The following GSG1L variants were observed in gnomAD, a reference collection of about 807,000 sequenced individuals.
GSG1L encodes germ cell-specific gene 1-like protein.
In GSG1L, 24 loss-of-function variants were observed where a neutral mutation model predicts 42.1. That is an observed-to-expected ratio of 0.57 (90% CI 0.41 to 0.80). The LOEUF (loss-of-function observed/expected upper bound fraction) is 0.80. Among genes scored for constraint, GSG1L ranks in the 30% least tolerant of loss-of-function variants. The pLI is 0.00. For missense variants in GSG1L, 445 were observed against 472.2 expected, an observed-to-expected ratio of 0.94 and a Z score of 0.53; for synonymous variants, 215 against 203.5, an observed-to-expected ratio of 1.06 and a Z score of -0.48.
chr16:28,058,645 C>T (rs2086306129), intron 1 of GSG1L, among the ~76,000 whole-genome samples: 1 of 141,244 alleles, frequency 7.1e-6, no homozygotes, highest in Non-Finnish European at 1.5e-5. Flanking sequence ...AACAAACAAA[C>T]CATGTCGAGG....
chr16:27,794,583 G>T (rs945248971), intron 6 of GSG1L, among the ~76,000 whole-genome samples: 1 of 151,974 alleles, frequency 6.6e-6, no homozygotes, highest in Non-Finnish European at 1.5e-5. Context: ...CACCCGCCTC[G>T]GCCTCCCAAA....
intron 4 of GSG1L, among the ~76,000 whole-genome samples, chr16:27,839,146 G>A (rs1033873084): frequency 2.6e-5 from 4 of 152,196 alleles, no homozygotes; most frequent in Non-Finnish European, 5.9e-5. Flanking sequence ...TTTCCACATA[G>A]TCATGGAGAC....
chr16:27,850,321 C>T (rs1042344939), intron 3 of GSG1L, among the ~76,000 whole-genome samples: 7 of 152,112 alleles, frequency 4.6e-5, no homozygotes, highest in South Asian at 2.1e-4. Context: ...GCCACCGTGC[C>T]GGCCTTGAAA....
intron 1 of GSG1L, among the ~76,000 whole-genome samples, chr16:28,052,980 C>T (rs1357933873): frequency 1.3e-5 from 2 of 152,186 alleles, no homozygotes; most frequent in Non-Finnish European, 2.9e-5. Context: ...AGGTGGGGCC[C>T]GGGCCAAGTG....
At chr16:27,848,415 C>T (rs1266263291) in intron 3 of GSG1L, among the ~76,000 whole-genome samples, 1 of 152,174 alleles carries the variant, frequency 6.6e-6, no homozygotes, top group Non-Finnish European at 1.5e-5. Context: ...TAGGACAGGA[C>T]CAGACTGCAA....
intron 5 of GSG1L, 93 bp downstream of exon 5, chr16:27,828,696 T>C: frequency 2.4e-6 from 3 of 1,235,658 alleles, no homozygotes; most frequent in Non-Finnish European, 3.4e-6. Flanking sequence ...TACCATTCAT[T>C]CCAGTTTTTG....
intron 1 of GSG1L, among the ~76,000 whole-genome samples, chr16:27,975,471 T>C (rs2085240551): frequency 6.6e-6 from 1 of 152,144 alleles, no homozygotes; most frequent in Admixed American, 6.5e-5. Flanking sequence ...ACCATCACGC[T>C]CTGAAATTGT....
At chr16:27,807,627 C>G (rs2082982308) in intron 5 of GSG1L, 73 bp from the exon 6 acceptor site, 2 of 1,287,666 alleles carry the variant, frequency 1.6e-6, no homozygotes, top group Admixed American at 1.9e-5. Flanking sequence ...GACCCAAAAC[C>G]TGAAAAAGTG....
At chr16:27,909,872 A>C (rs1474697945) in intron 2 of GSG1L, among the ~76,000 whole-genome samples, 1 of 151,128 alleles carries the variant, frequency 6.6e-6, no homozygotes, top group Non-Finnish European at 1.5e-5. Context: ...GTCCCATTTC[A>C]TTGTTAAGAA....
At chr16:27,925,107 G>A (rs998134356) in intron 2 of GSG1L, among the ~76,000 whole-genome samples, 55 of 152,294 alleles carry the variant, frequency 3.6e-4, no homozygotes, top group African/African-American at 1.3e-3. Context: ...GGAGAGTAGG[G>A]TGGACAGATA....
At chr16:27,945,431 T>C (rs1018108848) in intron 2 of GSG1L, among the ~76,000 whole-genome samples, 5 of 152,104 alleles carry the variant, frequency 3.3e-5, no homozygotes, top group Non-Finnish European at 7.3e-5. Context: ...GAGAAATCAC[T>C]AGCCCCTCCC....
At chr16:27,939,735 G>C (rs2084764788) in intron 2 of GSG1L, among the ~76,000 whole-genome samples, 1 of 152,206 alleles carries the variant, frequency 6.6e-6, no homozygotes, top group Non-Finnish European at 1.5e-5. Context: ...TGGCCTGGGG[G>C]ACCGAGGAAG....
At chr16:27,922,839 A>C (rs1229938488) in intron 2 of GSG1L, among the ~76,000 whole-genome samples, 1 of 152,168 alleles carries the variant, frequency 6.6e-6, no homozygotes, top group African/African-American at 2.4e-5. Context: ...GCTGTGGTGC[A>C]GTGGTGCAAT....
At chr16:28,043,038 C>T in intron 1 of GSG1L, among the ~76,000 whole-genome samples, 1 of 152,176 alleles carries the variant, frequency 6.6e-6, no homozygotes, top group East Asian at 1.9e-4. Context: ...TTAGTGGCAC[C>T]GAGCTCCAGA....
At chr16:27,854,640 C>T (rs1290786742) in intron 3 of GSG1L, among the ~76,000 whole-genome samples, 3 of 152,098 alleles carry the variant, frequency 2.0e-5, no homozygotes, top group Non-Finnish European at 4.4e-5. Flanking sequence ...CCTGTGCCCA[C>T]CTGTGTCACC....
chr16:28,002,942 A>AAAAG (rs533758440), intron 1 of GSG1L, among the ~76,000 whole-genome samples: 2 of 152,078 alleles, frequency 1.3e-5, no homozygotes, highest in Non-Finnish European at 1.5e-5. Context: ...TCTCAGAAAA[A>AAAAG]AAAGAAAGAA....
chr16:27,994,860 T>C lies in GSG1L; in HGVS notation c.350-31657A>G, dbSNP rs149879111. ...TGCACATAACGGAGCACCATTCACA[T>C]TGTGGTTTACAGGAACAACATTCCC... is the stretch of plus-strand genomic sequence containing the variant. On this transcript the variant is annotated intron_variant, in intron 1 of 6. Transcript: ENST00000447459. Among the ~76,000 whole-genome samples, 191 of 152,264 alleles carry C rather than the reference T, an allele frequency of 1.3e-3. 1 individual carries two copies. The highest frequency in any genetic ancestry group is 2.3e-3 in the Admixed American group (35 of 15,294).
At chr16:27,953,809 G>T (rs902108549) in intron 2 of GSG1L, among the ~76,000 whole-genome samples, 16 of 152,144 alleles carry the variant, frequency 1.1e-4, no homozygotes, top group African/African-American at 3.9e-4. Context: ...TACCCAGGAG[G>T]CAGAGGCTGC....
chr16:27,895,750 CG>C (rs2084184731), intron 2 of GSG1L, among the ~76,000 whole-genome samples: 1 of 152,150 alleles, frequency 6.6e-6, no homozygotes, highest in African/African-American at 2.4e-5. Flanking sequence ...GACGCTCACT[CG>C]GAATCTTCCT....
Sources: allele counts gnomAD v4.1 joint callset (sites outside exome capture counted in the v4.1 genomes callset), GRCh38; gene constraint gnomAD v4.1.1; transcripts MANE v1.5; gene names NCBI Gene and HGNC (gene_info 2026-07-23, HGNC 2026-07-21).